The following VSNL1 variants were observed in gnomAD, a reference collection of about 807,000 sequenced individuals.
The protein encoded by VSNL1 is visinin like 1.
A neutral mutation model predicts 20.4 loss-of-function variants in VSNL1; 6 were observed. That is an observed-to-expected ratio of 0.29 (90% CI 0.16 to 0.58). The LOEUF (loss-of-function observed/expected upper bound fraction) is 0.58, where lower values mean the gene tolerates loss of function less well. Ranked by LOEUF, VSNL1 falls within the 20% of genes least tolerant of loss-of-function variation. The probability of loss-of-function intolerance (pLI) is 0.90; values close to 1 mark genes in which losing one functional copy is unlikely to be tolerated. For missense variants in VSNL1, 100 were observed against 234.5 expected (o/e 0.43, Z 3.75); for synonymous variants, 93 against 86.4 (o/e 1.08, Z -0.42).
chr2:17,568,089 A>G (rs543063573), intron 1 of VSNL1, among the ~76,000 whole-genome samples: 19 of 152,154 alleles, frequency 1.2e-4, no homozygotes, highest in Admixed American at 3.9e-4. Context: ...TTCTTATATT[A>G]TATTTTTAAT....
chr2:17,630,372 C>A (rs1572210298), intron 2 of VSNL1, among the ~76,000 whole-genome samples: 1 of 152,188 alleles, frequency 6.6e-6, no homozygotes, highest in African/African-American at 2.4e-5. Context: ...AGGGAGGTGG[C>A]AGTTCACACT....
At chr2:17,606,786 A>G (rs1191243868) in intron 2 of VSNL1, among the ~76,000 whole-genome samples, 1 of 152,162 alleles carries the variant, frequency 6.6e-6, no homozygotes, top group Non-Finnish European at 1.5e-5. Context: ...CTAAAAATCC[A>G]GTTACATGCT....
chr2:17,550,358 C>T (rs912627421), intron 1 of VSNL1, among the ~76,000 whole-genome samples: 3 of 151,982 alleles, frequency 2.0e-5, no homozygotes, highest in Non-Finnish European at 2.9e-5. Flanking sequence ...AAGGAAAAGC[C>T]TAAATTATGG....
intron 2 of VSNL1, among the ~76,000 whole-genome samples, chr2:17,633,152 G>A (rs1443294690): frequency 6.6e-6 from 1 of 152,124 alleles, no homozygotes; most frequent in Non-Finnish European, 1.5e-5. Context: ...TCAGGTGAGA[G>A]AGCTTGTACA....
intron 1 of VSNL1, among the ~76,000 whole-genome samples, chr2:17,570,512 G>A (rs1287407479): frequency 6.6e-6 from 1 of 152,140 alleles, no homozygotes; most frequent in African/African-American, 2.4e-5. Flanking sequence ...GAGTATCTAT[G>A]GATTGGTATT....
At chr2:17,557,112 T>C (rs1663702191) in intron 1 of VSNL1, among the ~76,000 whole-genome samples, 1 of 152,176 alleles carries the variant, frequency 6.6e-6, no homozygotes, top group Non-Finnish European at 1.5e-5. Flanking sequence ...ACATGCATAC[T>C]ACCTCACTCA....
chr2:17,576,752 T>C (rs1664225465), intron 1 of VSNL1, among the ~76,000 whole-genome samples: 1 of 152,212 alleles, frequency 6.6e-6, no homozygotes, highest in Non-Finnish European at 1.5e-5. Context: ...CTTTTATAGT[T>C]TCTGTCTTTG....
Position 17,649,147 on chromosome 2 carries a change from C to T in VSNL1, c.163-263C>T, listed in dbSNP as rs994563964. On this transcript the variant is annotated intron_variant, in intron 2 of 3. Transcript: ENST00000295156. The surrounding 1 kb of genome is among the most constrained non-coding windows in gnomAD (Gnocchi z 6.4). ...CTAGCATCAGGTGGTGCTTGTTGACCGATTCCAAGCCCCATCAACTGAAAG... is the reference window on the plus strand; with the variant it reads ...CTAGCATCAGGTGGTGCTTGTTGACTGATTCCAAGCCCCATCAACTGAAAG... Among the ~76,000 whole-genome samples, 4 of 152,132 alleles carry T rather than the reference C, an allele frequency of 2.6e-5. No homozygotes were observed. Among genetic ancestry groups the T allele is most frequent in the African/African-American group, 7.2e-5 (3 of 41,418 alleles).
At chr2:17,592,631 T>TCC (rs1664616510) in intron 2 of VSNL1, among the ~76,000 whole-genome samples, 2 of 105,592 alleles carry the variant, frequency 1.9e-5, no homozygotes, top group Non-Finnish European at 3.8e-5. Flanking sequence ...GCTTTTTCTC[T>TCC]CTCTCTCTCT....
chr2:17,593,124 T>G (rs1664632772), intron 2 of VSNL1, among the ~76,000 whole-genome samples: 1 of 152,208 alleles, frequency 6.6e-6, no homozygotes. Flanking sequence ...GTGAAATGAT[T>G]GAATAAAATA....
Position 17,569,103 on chromosome 2 carries a change from T to TCA in VSNL1, c.-5-22967_-5-22966insCA, listed in dbSNP as rs1664022682. On this transcript the variant is annotated intron_variant, in intron 1 of 3. Transcript: ENST00000295156. ...TGGGCAGATCACTGAGGTCAGGAGTTTGAGACCTGTCTGGCCAACATGGCG... is the reference window on the plus strand; with the variant it reads ...TGGGCAGATCACTGAGGTCAGGAGTTCATGAGACCTGTCTGGCCAACATGGCG... Among the ~76,000 whole-genome samples the TCA allele has an allele frequency of 5.3e-5, 8 of 152,270 alleles. No homozygotes were observed. In the South Asian group the frequency reaches 1.7e-3, roughly 32 times the overall value.
At chr2:17,594,178 G>A (rs569849985) in intron 2 of VSNL1, among the ~76,000 whole-genome samples, 13 of 152,262 alleles carry the variant, frequency 8.5e-5, no homozygotes, top group African/African-American at 3.1e-4. Context: ...GCGTTTTATG[G>A]TACAACTGAT....
intron 2 of VSNL1, among the ~76,000 whole-genome samples, chr2:17,619,822 C>G (rs1665312277): frequency 6.6e-6 from 1 of 151,566 alleles, no homozygotes; most frequent in African/African-American, 2.4e-5. Context: ...AGGAATGGTA[C>G]TAGACACCGG....
In VSNL1 at chr2:17,656,184, T is replaced by G. The variant is rs1254011263; in HGVS notation, c.*790T>G. The G allele has an allele frequency of 6.6e-6, 1 of 152,242 alleles. No individual in the cohort carries two copies. Among genetic ancestry groups the G allele is most frequent in the Non-Finnish European group, 1.5e-5 (1 of 68,036 alleles). The allele number at this position is 152,242 out of a possible 1,614,324, so 9.4% of individuals were successfully genotyped here. ...TCCCAAATAAATTTATAACAATTGA[T>G]TTTCCCCCTAATTCTTATTTTATAA... On this transcript the variant is annotated 3_prime_UTR_variant, in exon 4 of 4. Coordinates refer to ENST00000295156, the MANE Select transcript of VSNL1 (RefSeq NM_003385.5).
chr2:17,643,026 G>T (rs1396833013), intron 2 of VSNL1, among the ~76,000 whole-genome samples: 1 of 152,090 alleles, frequency 6.6e-6, no homozygotes, highest in African/African-American at 2.4e-5. Context: ...GGGCGAGGGT[G>T]TCCTTAACCT....
rs1372137627 is a variant in VSNL1, at chr2:17,609,525, C to G, written c.162+17289C>G. The stretch of plus-strand genomic sequence containing the variant: ...GAGGGCTTCTTTCTGTCATCAGCCT[C>G]TCTTCTGAAGGTCAAGTGCAAGATG... On this transcript the variant is annotated intron_variant, in intron 2 of 3. Transcript: ENST00000295156. Among the ~76,000 whole-genome samples, 3 of 152,208 alleles carry G rather than the reference C, an allele frequency of 2.0e-5. 1 individual carries two copies. Among genetic ancestry groups the G allele is most frequent in the Admixed American group, 2.0e-4 (3 of 15,282 alleles).
chr2:17,598,225 C>T (rs1450803697), intron 2 of VSNL1, among the ~76,000 whole-genome samples: 1 of 152,176 alleles, frequency 6.6e-6, no homozygotes, highest in Non-Finnish European at 1.5e-5. Context: ...TAAAGTTGTA[C>T]ACAAACATAT....
At chr2:17,589,255 C>T (rs1664545043) in intron 1 of VSNL1, among the ~76,000 whole-genome samples, 1 of 152,172 alleles carries the variant, frequency 6.6e-6, no homozygotes, top group African/African-American at 2.4e-5. Flanking sequence ...AGTTTATAAT[C>T]ACTGACACAT....
chr2:17,594,223 C>A (rs1028879107), intron 2 of VSNL1, among the ~76,000 whole-genome samples: 1 of 152,220 alleles, frequency 6.6e-6, no homozygotes, highest in Non-Finnish European at 1.5e-5. Flanking sequence ...ACCTCCCCAT[C>A]TCACTCCTAG....
Sources: gnomAD v4.1 joint callset for allele counts (sites outside exome capture counted in the v4.1 genomes callset) on GRCh38, gnomAD v4.1.1 for gene constraint, Gnocchi (gnomAD v3.1) non-coding constraint, MANE v1.5 for transcripts, NCBI Gene and HGNC (gene_info 2026-07-23, HGNC 2026-07-21) for gene names.